Variants in EBF2 observed in about 807,000 individuals in gnomAD.
The protein encoded by EBF2 is transcription factor COE2.
Under a neutral mutation model 72.8 loss-of-function variants are expected in EBF2, and 21 were observed. The ratio of observed to expected loss-of-function variants is 0.29; its 90% CI spans 0.20 to 0.42. The LOEUF (loss-of-function observed/expected upper bound fraction) is 0.42, where lower values mean the gene tolerates loss of function less well. EBF2 is among the 10% of genes least tolerant of loss of function. The probability of loss-of-function intolerance (pLI) is 1.00; values close to 1 mark genes in which losing one functional copy is unlikely to be tolerated. For synonymous variants in EBF2, 299 were observed against 274.2 expected (o/e 1.09, Z -0.89); for missense variants, 637 against 731.2 (o/e 0.87, Z 1.49).
At chr8:25,994,948 T>A (rs1320368151) in intron 6 of EBF2, among the ~76,000 whole-genome samples, 1 of 151,884 alleles carries the variant, frequency 6.6e-6, no homozygotes, top group Non-Finnish European at 1.5e-5. Flanking sequence ...AGGAAAAAAA[T>A]TAAATAAATA....
At chr8:25,874,561 A>G (rs933097987) in intron 10 of EBF2, among the ~76,000 whole-genome samples, 3 of 152,132 alleles carry the variant, frequency 2.0e-5, no homozygotes, top group Admixed American at 2.0e-4. Context: ...CTTGTCAAGC[A>G]CCTACTCTGC....
rs1190322283 is a variant in EBF2, at chr8:25,842,675, C to T, written c.*1934G>A. ...CTGTCAGCAGTAGTTATAAGCATGC[C>T]AGGTTTCTAAAACCTTGGATTCTCA... is the stretch of plus-strand genomic sequence containing the variant. On this transcript the variant is annotated 3_prime_UTR_variant, in exon 16 of 16. Transcript: ENST00000520164. 6.6e-6 allele frequency: 1 copy of T among 152,074 alleles called. No homozygotes were observed. Among genetic ancestry groups the T allele is most frequent in the African/African-American group, 2.4e-5 (1 of 41,408 alleles). The allele number at this position is 152,074 out of a possible 1,614,324, so 9.4% of individuals were successfully genotyped here. A position where few individuals can be genotyped will look rare whatever the true frequency, so the allele number is the denominator to read the frequency against.
intron 6 of EBF2, among the ~76,000 whole-genome samples, chr8:25,977,385 G>C (rs1340177709): frequency 6.6e-6 from 1 of 152,042 alleles, no homozygotes; most frequent in Non-Finnish European, 1.5e-5. Context: ...CCAGTTAAAG[G>C]GGGTAGGGCC....
chr8:25,915,571 A>G (rs1803199806), intron 6 of EBF2, among the ~76,000 whole-genome samples: 1 of 151,716 alleles, frequency 6.6e-6, no homozygotes, highest in South Asian at 2.1e-4. Flanking sequence ...CAAATTGTCC[A>G]AAGAGATGGC....
chr8:26,036,427 A>G (rs182757386), intron 5 of EBF2, among the ~76,000 whole-genome samples: 2 of 152,332 alleles, frequency 1.3e-5, no homozygotes, highest in African/African-American at 4.8e-5. Context: ...GAACACACTC[A>G]CTTGGCCATT....
chr8:26,033,252 T>TGGGG, intron 5 of EBF2, 99 bp from the exon 6 acceptor site: 1 of 1,180,180 alleles, frequency 8.5e-7, no homozygotes, highest in Non-Finnish European at 1.2e-6. Flanking sequence ...AGACAGAGTC[T>TGGGG]GGCTCTGTCA....
chr8:26,032,946 G>GGCCTTT, intron 6 of EBF2, 139 bp downstream of exon 6: 1 of 715,162 alleles, frequency 1.4e-6, no homozygotes, highest in Non-Finnish European at 2.4e-6. Flanking sequence ...AGCATGAGGA[G>GGCCTTT]GCCTTTGTTG....
intron 6 of EBF2, among the ~76,000 whole-genome samples, chr8:26,021,145 G>T (rs542699787): frequency 6.6e-6 from 1 of 152,170 alleles, no homozygotes; most frequent in Non-Finnish European, 1.5e-5. Flanking sequence ...GAGGTGACAA[G>T]TCCATAAAGC....
Position 25,935,624 on chromosome 8 carries a change from C to T in EBF2, c.552-27069G>A, listed in dbSNP as rs1192940030. 2.0e-5 allele frequency among the ~76,000 whole-genome samples: 3 copies of T among 152,184 alleles called. No homozygotes were observed. The East Asian group carries it at 5.8e-4, about 29-fold the overall frequency. On this transcript the variant is annotated intron_variant, in intron 6 of 15. Coordinates refer to ENST00000520164, the MANE Select transcript of EBF2 (RefSeq NM_022659.4). ...AATGACAAGGGTTGACACATGTCAC[C>T]CGGCCCTATCAGGAGTGTTATTTGT...
chr8:25,977,881 T>C (rs1804294438), intron 6 of EBF2, among the ~76,000 whole-genome samples: 1 of 152,256 alleles, frequency 6.6e-6, no homozygotes, highest in Non-Finnish European at 1.5e-5. Flanking sequence ...ACGTCTGTGA[T>C]GCCCACAGAA....
Position 26,016,183 on chromosome 8 carries a change from C to G in EBF2, c.551+16902G>C, listed in dbSNP as rs538509762. Reference sequence around the variant, plus strand: ...CTTACTCTATTCTACTGATTTTTCTCACTCCACTTCATCTGAGCATAGAGC... The same window carrying G: ...CTTACTCTATTCTACTGATTTTTCTGACTCCACTTCATCTGAGCATAGAGC... On this transcript the variant is annotated intron_variant, in intron 6 of 15. Transcript: ENST00000520164. 2.0e-5 allele frequency among the ~76,000 whole-genome samples: 3 copies of G among 152,294 alleles called. No individual in the cohort carries two copies. In the South Asian group the frequency reaches 6.2e-4, roughly 32 times the overall value.
chr8:25,943,311 C>CAAAAAAAAAAAAAAAAA (rs71551840), intron 6 of EBF2, among the ~76,000 whole-genome samples: 2 of 59,154 alleles, frequency 3.4e-5, no homozygotes, highest in Non-Finnish European at 8.1e-5. Flanking sequence ...TGTCTCTACA[C>CAAAAAAAAAAAAAAAAA]AAAAAAAAAA....
intron 6 of EBF2, among the ~76,000 whole-genome samples, chr8:25,972,024 G>A (rs936146943): frequency 2.0e-5 from 3 of 152,214 alleles, no homozygotes; most frequent in African/African-American, 7.2e-5. Context: ...TTAGTGCTCT[G>A]CAAGGGGGTG....
chr8:25,914,419 T>G (rs1193191043), intron 6 of EBF2, among the ~76,000 whole-genome samples: 2 of 152,190 alleles, frequency 1.3e-5, no homozygotes, highest in African/African-American at 2.4e-5. Flanking sequence ...GGCCTGGAGA[T>G]GAAGTGCCCT....
At chr8:26,033,485 C>T (rs1805442846) in intron 5 of EBF2, among the ~76,000 whole-genome samples, 1 of 152,204 alleles carries the variant, frequency 6.6e-6, no homozygotes, top group Admixed American at 6.5e-5. Flanking sequence ...CCACCTCGGC[C>T]TCCCAAAGTG....
intron 6 of EBF2, among the ~76,000 whole-genome samples, chr8:26,021,920 G>A (rs1200211123): frequency 2.6e-5 from 4 of 152,196 alleles, no homozygotes; most frequent in Non-Finnish European, 5.9e-5. Flanking sequence ...TCATGTGTCA[G>A]AAATCTATTT....
chr8:26,000,099 A>G (rs1804700794), intron 6 of EBF2, among the ~76,000 whole-genome samples: 1 of 152,200 alleles, frequency 6.6e-6, no homozygotes. Flanking sequence ...CTGGAGTCCT[A>G]GAACTTCCTA....
intron 6 of EBF2, among the ~76,000 whole-genome samples, chr8:25,973,686 T>C (rs899283840): frequency 2.6e-5 from 4 of 152,222 alleles, no homozygotes; most frequent in Non-Finnish European, 4.4e-5. Context: ...TTTTTCTTTT[T>C]AGTTTTTTGA....
intron 10 of EBF2, among the ~76,000 whole-genome samples, chr8:25,864,843 G>A (rs1050971622): frequency 6.6e-6 from 1 of 150,426 alleles, no homozygotes; most frequent in East Asian, 1.9e-4. Context: ...TGTCACCCAG[G>A]CTGGAGTGCA....
Sources: gnomAD v4.1 joint callset for allele counts (sites outside exome capture counted in the v4.1 genomes callset) on GRCh38, gnomAD v4.1.1 for gene constraint, MANE v1.5 for transcripts, NCBI Gene and HGNC (gene_info 2026-07-23, HGNC 2026-07-21) for gene names.